Variants in CDK6 observed in about 807,000 individuals in gnomAD.
The protein encoded by CDK6 is cyclin-dependent kinase 6.
A neutral mutation model predicts 37.1 loss-of-function variants in CDK6; 6 were observed. That is an observed-to-expected ratio of 0.16 (90% CI 0.09 to 0.32). The LOEUF (loss-of-function observed/expected upper bound fraction) is 0.32, where lower values mean the gene tolerates loss of function less well. Among genes scored for constraint, CDK6 ranks in the 10% least tolerant of loss-of-function variants. The probability of loss-of-function intolerance (pLI) is 1.00; values close to 1 mark genes in which losing one functional copy is unlikely to be tolerated. For missense variants in CDK6, 224 were observed against 418.9 expected, an observed-to-expected ratio of 0.53 and a Z score of 4.06; for synonymous variants, 160 against 161.3, an observed-to-expected ratio of 0.99 and a Z score of 0.06.
chr7:92,826,997 T>G (rs1801339188), intron 2 of CDK6, among the ~76,000 whole-genome samples: 1 of 152,122 alleles, frequency 6.6e-6, no homozygotes, highest in Non-Finnish European at 1.5e-5. Context: ...TTTTTTCTGG[T>G]ATATCCAATG....
chr7:92,706,587 C>T (rs1231687855), intron 4 of CDK6, among the ~76,000 whole-genome samples: 1 of 152,134 alleles, frequency 6.6e-6, no homozygotes, highest in Non-Finnish European at 1.5e-5. Context: ...AAAGCACAAC[C>T]ATGAAGGTCT....
Position 92,729,947 on chromosome 7 carries a change from C to T in CDK6, c.370-4154G>A, listed in dbSNP as rs570460266. On this transcript the variant is annotated intron_variant, in intron 3 of 7. Coordinates refer to ENST00000424848, the MANE Select transcript of CDK6 (RefSeq NM_001145306.2). Reference sequence around the variant, plus strand: ...TAGAGACAGGGTCTTGCTATGTTGCCCAGGCTGGTCTTGAATTCCTGGCCT... The same window carrying T: ...TAGAGACAGGGTCTTGCTATGTTGCTCAGGCTGGTCTTGAATTCCTGGCCT... Among the ~76,000 whole-genome samples the T allele has an allele frequency of 3.8e-4, 58 of 152,296 alleles. No homozygotes were observed. The South Asian group carries it at 5.4e-3, about 14-fold the overall frequency.
At chr7:92,762,158 G>T (rs1349947770) in intron 3 of CDK6, among the ~76,000 whole-genome samples, 1 of 152,078 alleles carries the variant, frequency 6.6e-6, no homozygotes, top group Non-Finnish European at 1.5e-5. Context: ...TAATCATAAT[G>T]GGGGGGACAA....
intron 4 of CDK6, among the ~76,000 whole-genome samples, chr7:92,679,114 C>A (rs1350629807): frequency 6.6e-6 from 1 of 152,156 alleles, no homozygotes. Flanking sequence ...ATGCCTGTGT[C>A]AAGAAATCCT....
chr7:92,754,402 C>T (rs550169730), intron 3 of CDK6, among the ~76,000 whole-genome samples: 1 of 152,264 alleles, frequency 6.6e-6, no homozygotes, highest in African/African-American at 2.4e-5. Context: ...AGTTCCAGGT[C>T]TACATAAATG....
At chr7:92,667,105 A>G (rs113369039) in intron 5 of CDK6, among the ~76,000 whole-genome samples, 12 of 152,306 alleles carry the variant, frequency 7.9e-5, no homozygotes, top group African/African-American at 2.9e-4. Context: ...TTTTAACAAA[A>G]AAGTTTAAAA....
intron 7 of CDK6, among the ~76,000 whole-genome samples, chr7:92,616,597 A>G (rs1433197877): frequency 2.0e-5 from 3 of 152,228 alleles, no homozygotes; most frequent in African/African-American, 7.2e-5. Flanking sequence ...AAGGACCGGA[A>G]AGCAGGGGCA....
intron 3 of CDK6, among the ~76,000 whole-genome samples, chr7:92,770,146 C>CT (rs1799674625): frequency 1.3e-5 from 2 of 152,054 alleles, no homozygotes; most frequent in Non-Finnish European, 2.9e-5. Flanking sequence ...AACAATAAGT[C>CT]TATGAGGGAA....
At chr7:92,825,890 C>T (rs1292909567) in intron 2 of CDK6, among the ~76,000 whole-genome samples, 4 of 152,132 alleles carry the variant, frequency 2.6e-5, no homozygotes, top group Admixed American at 2.0e-4. Context: ...CAAAGTTGCA[C>T]AGTTAACTAT....
At chr7:92,666,845 C>T (rs1303821513) in intron 5 of CDK6, among the ~76,000 whole-genome samples, 1 of 152,144 alleles carries the variant, frequency 6.6e-6, no homozygotes, top group Non-Finnish European at 1.5e-5. Context: ...TATGTATTTA[C>T]TATATTATAC....
chr7:92,672,166 T>TACACACAC (rs1434883987), intron 4 of CDK6, among the ~76,000 whole-genome samples: 101 of 38,638 alleles, frequency 2.6e-3, no homozygotes, highest in Non-Finnish European at 3.7e-3. Context: ...TATATACACA[T>TACACACAC]ACACACACAC....
chr7:92,692,835 T>G (rs1395087949), intron 4 of CDK6, among the ~76,000 whole-genome samples: 1 of 151,986 alleles, frequency 6.6e-6, no homozygotes, highest in Non-Finnish European at 1.5e-5. Context: ...GAACACAAAT[T>G]CCTTGTGAAT....
chr7:92,754,859 G>C lies in CDK6; in HGVS notation c.369+19837C>G, dbSNP rs541406676. On this transcript the variant is annotated intron_variant, in intron 3 of 7. Transcript: ENST00000424848. ...ATGGATCTTTCTGGAAATGGAAGCC[G>C]TCTGGAGCCCACCAATTTTAACTAC... Among the ~76,000 whole-genome samples, 3 of 152,268 alleles carry C rather than the reference G, an allele frequency of 2.0e-5. No homozygotes were observed. In the South Asian group the frequency reaches 6.2e-4, roughly 32 times the overall value.
At chr7:92,826,279 A>G (rs1584125332) in intron 2 of CDK6, among the ~76,000 whole-genome samples, 2 of 152,180 alleles carry the variant, frequency 1.3e-5, no homozygotes, top group African/African-American at 4.8e-5. Context: ...GGGAGTTAAC[A>G]TTCCATCTTA....
rs751380867 is a variant in CDK6 at position 92,774,837 on chromosome 7, A to G, written c.234-6T>C. The G allele has an allele frequency of 4.4e-6, 7 of 1,605,862 alleles. No individual in the cohort carries two copies. In the East Asian group the frequency reaches 1.6e-4, roughly 36 times the overall value. On this transcript the variant is annotated splice_region_variant and splice_polypyrimidine_tract_variant and intron_variant, in intron 2 of 7. Transcript: ENST00000424848. The stretch of plus-strand genomic sequence containing the variant: ...CTGTGCACACATCAAACAACCTAGA[A>G]GAAAAAACAAAGAGGTTAAGTAGGT...
intron 3 of CDK6, among the ~76,000 whole-genome samples, chr7:92,729,868 T>C (rs1798602242): frequency 6.6e-6 from 1 of 152,098 alleles, no homozygotes; most frequent in Non-Finnish European, 1.5e-5. Context: ...TACTCCTGAG[T>C]AGCTGGGACT....
At chr7:92,661,038 A>T (rs944385003) in intron 5 of CDK6, among the ~76,000 whole-genome samples, 11 of 152,170 alleles carry the variant, frequency 7.2e-5, no homozygotes, top group Non-Finnish European at 1.3e-4. Flanking sequence ...AGGCACCCAG[A>T]AGTGTGCTTT....
chr7:92,742,202 A>C (rs903543835), intron 3 of CDK6, among the ~76,000 whole-genome samples: 1 of 152,236 alleles, frequency 6.6e-6, no homozygotes, highest in African/African-American at 2.4e-5. Context: ...GAAAAGCTTA[A>C]TCAAAAGTTT....
intron 3 of CDK6, among the ~76,000 whole-genome samples, chr7:92,761,484 T>C (rs1277243710): frequency 6.6e-6 from 1 of 152,130 alleles, no homozygotes; most frequent in Non-Finnish European, 1.5e-5. Context: ...CTAAGGAAAA[T>C]TTCCTGCTGT....
Sources: allele counts gnomAD v4.1 joint callset (sites outside exome capture counted in the v4.1 genomes callset), GRCh38; gene constraint gnomAD v4.1.1; transcripts MANE v1.5; gene names NCBI Gene and HGNC (gene_info 2026-07-23, HGNC 2026-07-21).